The following PRPF6 variants were observed in gnomAD, a reference collection of about 807,000 sequenced individuals.
PRPF6 encodes pre-mRNA processing factor 6.
Under a neutral mutation model 118.3 loss-of-function variants are expected in PRPF6, and 42 were observed. That is an observed-to-expected ratio of 0.35 (90% confidence interval 0.28 to 0.46). The LOEUF (loss-of-function observed/expected upper bound fraction) is 0.46. PRPF6 is among the 20% of genes least tolerant of loss of function. The pLI is 1.00. For synonymous variants in PRPF6, 481 were observed against 485.1 expected (o/e 0.99, Z 0.11); for missense variants, 662 against 1,255.7 (o/e 0.53, Z 7.15).
chr20:63,989,235 C>G lies in PRPF6; in HGVS notation c.360-4172C>G, dbSNP rs150649480. The stretch of plus-strand genomic sequence containing the variant: ...CCTCTCTGTCACCACATACAAAAAT[C>G]AAATTAAAAGACTTTAAGACCTCAA... On this transcript the variant is annotated intron_variant, in intron 3 of 20. Transcript: ENST00000266079. Among the ~76,000 whole-genome samples, 680 of 152,168 alleles carry G rather than the reference C, an allele frequency of 4.5e-3. 6 individuals are homozygous for G. The highest frequency in any genetic ancestry group is 0.016 in the African/African-American group (653 of 41,528).
chr20:63,985,053 A>G (rs753895879), intron 3 of PRPF6, 28 bp downstream of exon 3: 5 of 1,594,250 alleles, frequency 3.1e-6, no homozygotes, highest in Admixed American at 3.3e-5. Flanking sequence ...CTTTCACAAT[A>G]TTTATCCAAG....
At position 64,002,701 on chromosome 20, in the gene PRPF6, T is replaced by C. The variant is rs188813407; in HGVS notation, c.1186+1462T>C. Reference sequence around the variant, plus strand: ...CTTTGTCCCCCAGGCTGGAGTGCAATGGCACCATCTTGGCTCACTGCAACC... The same window carrying C: ...CTTTGTCCCCCAGGCTGGAGTGCAACGGCACCATCTTGGCTCACTGCAACC... On this transcript the variant is annotated intron_variant, in intron 9 of 20. Transcript: ENST00000266079. Among the ~76,000 whole-genome samples the C allele has an allele frequency of 3.2e-3, 461 of 145,482 alleles. 3 individuals are homozygous for C. Among genetic ancestry groups the C allele is most frequent in the African/African-American group, 0.011 (422 of 38,984 alleles).
rs747573946 is a variant in PRPF6, at chr20:64,001,052, A to G, written c.1024-25A>G. On this transcript the variant is annotated intron_variant, in intron 8 of 20. Coordinates refer to ENST00000266079, the MANE Select transcript of PRPF6 (RefSeq NM_012469.4). ...CGGCTTCCAGCCTGCACTGAGCCTT[A>G]TTGGTCTTATCTCTTGCCTCACAGA... 15 of 1,612,882 alleles carry G rather than the reference A, an allele frequency of 9.3e-6. No individual in the cohort carries two copies. The South Asian group carries it at 1.4e-4, about 15-fold the overall frequency.
chr20:63,982,497 TG>T (rs2059075037), intron 1 of PRPF6, among the ~76,000 whole-genome samples: 1 of 152,176 alleles, frequency 6.6e-6, no homozygotes, highest in South Asian at 2.1e-4. Flanking sequence ...AGCTGTGTTT[TG>T]GGAAGAATCA....
At chr20:63,997,345 C>T (rs1235187282) in intron 6 of PRPF6, among the ~76,000 whole-genome samples, 1 of 135,358 alleles carries the variant, frequency 7.4e-6, no homozygotes, top group Admixed American at 8.2e-5. Flanking sequence ...GGCTGGAGTT[C>T]AATGGCATGG....
intron 8 of PRPF6, among the ~76,000 whole-genome samples, chr20:64,000,205 G>T (rs1187869863): frequency 6.6e-6 from 1 of 152,066 alleles, no homozygotes; most frequent in Non-Finnish European, 1.5e-5. Flanking sequence ...CCGCCTAATG[G>T]TGGCCAGTCA....
chr20:63,985,264 T>C (rs2059088237), intron 3 of PRPF6, among the ~76,000 whole-genome samples: 1 of 150,566 alleles, frequency 6.6e-6, no homozygotes, highest in African/African-American at 2.5e-5. Context: ...GTGGCTGAGG[T>C]GGAAGGACCG....
chr20:64,021,603 C>T (rs1271039158), intron 12 of PRPF6, among the ~76,000 whole-genome samples: 1 of 140,156 alleles, frequency 7.1e-6, no homozygotes, highest in Non-Finnish European at 1.5e-5. Flanking sequence ...TCAGCCACAG[C>T]CCCATGTCTG....
chr20:63,986,780 G>A (rs1462600350), intron 3 of PRPF6, among the ~76,000 whole-genome samples: 6 of 151,788 alleles, frequency 4.0e-5, no homozygotes, highest in East Asian at 3.9e-4. Context: ...GAGCCACTGC[G>A]CCCGGCCTAA....
At chr20:64,031,769 C>T (rs1374514376) in intron 19 of PRPF6, 149 bp from the exon 20 acceptor site, 4 of 1,006,166 alleles carry the variant, frequency 4.0e-6, no homozygotes, top group East Asian at 2.5e-5. Flanking sequence ...ATTTCTGGAT[C>T]AGCCGAGGCC....
intron 9 of PRPF6, among the ~76,000 whole-genome samples, chr20:64,009,170 A>G (rs1469592370): frequency 6.6e-6 from 1 of 150,688 alleles, no homozygotes; most frequent in Non-Finnish European, 1.5e-5. Flanking sequence ...GTACTCAGCT[A>G]CTTGGGAGGC....
intron 9 of PRPF6, among the ~76,000 whole-genome samples, chr20:64,002,429 G>A (rs995813374): frequency 6.6e-6 from 1 of 151,054 alleles, no homozygotes; most frequent in Non-Finnish European, 1.5e-5. Flanking sequence ...TCTGCCTCCC[G>A]GGTTCAAGTG....
chr20:63,996,225 G>T (rs1243224839), intron 6 of PRPF6, among the ~76,000 whole-genome samples: 4 of 152,152 alleles, frequency 2.6e-5, no homozygotes, highest in African/African-American at 9.7e-5. Flanking sequence ...TGTAATCCCA[G>T]CTACTTGGGA....
intron 4 of PRPF6, 121 bp from the exon 5 acceptor site, chr20:63,994,795 C>A: frequency 7.8e-7 from 1 of 1,274,064 alleles, no homozygotes; most frequent in Non-Finnish European, 1.1e-6. Context: ...ACAGTTGCTG[C>A]ATCCAAATCC....
At chr20:64,009,251 A>C (rs562903296) in intron 9 of PRPF6, among the ~76,000 whole-genome samples, 1 of 139,766 alleles carries the variant, frequency 7.2e-6, no homozygotes, top group South Asian at 2.4e-4. Flanking sequence ...ACTGCACTCC[A>C]GCCTGGCGAC....
At position 64,011,542 on chromosome 20, in the gene PRPF6, G is replaced by T. The variant is rs11905368; in HGVS notation, c.1524+39G>T. On this transcript the variant is annotated intron_variant, in intron 11 of 20. Coordinates refer to ENST00000266079, the MANE Select transcript of PRPF6 (RefSeq NM_012469.4). The surrounding 1 kb of genome is among the most constrained non-coding windows in gnomAD (Gnocchi z 6.7). ...GGGTGTCGTGGTGTCTGCTTTAACAGTGCACATGCAGCACGTGAGAGTCCC... is the reference window on the plus strand; with the variant it reads ...GGGTGTCGTGGTGTCTGCTTTAACATTGCACATGCAGCACGTGAGAGTCCC... 888 of 1,582,800 alleles carry T rather than the reference G, an allele frequency of 5.6e-4. 6 individuals are homozygous for T. In the African/African-American group the frequency reaches 0.011, roughly 19 times the overall value.
chr20:64,029,264 G>A lies in PRPF6; in HGVS notation c.2432-113G>A. The A allele has an allele frequency of 1.1e-6, 1 of 887,232 alleles. No individual in the cohort carries two copies. The highest frequency in any genetic ancestry group is 1.3e-5 in the South Asian group (1 of 75,504). 55.0% of individuals were successfully genotyped at this position (887,232 alleles called of 1,614,324 possible). A position where few individuals can be genotyped will look rare whatever the true frequency, so the allele number is the denominator to read the frequency against. ...TGCACAAGTTCTGCGAGCCGTGTGT[G>A]GGAGGCCCCTGTCGTGGTCTGAGGA... On this transcript the variant is annotated intron_variant, in intron 18 of 20. Coordinates refer to ENST00000266079, the MANE Select transcript of PRPF6 (RefSeq NM_012469.4). The surrounding 1 kb of genome is among the most constrained non-coding windows in gnomAD (Gnocchi z 4.8).
At chr20:64,004,604 G>A (rs376808404) in intron 9 of PRPF6, among the ~76,000 whole-genome samples, 3 of 152,176 alleles carry the variant, frequency 2.0e-5, no homozygotes, top group Admixed American at 6.6e-5. Context: ...GAGAATGGGC[G>A]TTTTGGGTGC....
chr20:63,998,820 C>T (rs917695123), intron 6 of PRPF6, among the ~76,000 whole-genome samples: 15 of 146,982 alleles, frequency 1.0e-4, no homozygotes, highest in African/African-American at 3.0e-4. Flanking sequence ...CCAGCCTGGG[C>T]GACAGAGCGA....
Sources: allele counts gnomAD v4.1 joint callset (sites outside exome capture counted in the v4.1 genomes callset), GRCh38; gene constraint gnomAD v4.1.1; non-coding constraint Gnocchi (gnomAD v3.1); transcripts MANE v1.5; gene names NCBI Gene and HGNC (gene_info 2026-07-23, HGNC 2026-07-21).